The following DNAAF9 variants were observed in gnomAD, a reference collection of about 807,000 sequenced individuals.
DNAAF9 encodes the protein shulin.
DNAAF9 carries 90 observed loss-of-function variants against 167.0 expected under a neutral mutation model. The ratio of observed to expected loss-of-function variants is 0.54; its 90% CI spans 0.45 to 0.64. DNAAF9 has a LOEUF of 0.64. DNAAF9 is among the 30% of genes least tolerant of loss of function. DNAAF9 has a pLI of 0.00. For synonymous variants in DNAAF9, 491 were observed against 508.8 expected, an observed-to-expected ratio of 0.96 and a Z score of 0.47; for missense variants, 1,315 against 1,442.2, an observed-to-expected ratio of 0.91 and a Z score of 1.43.
chr20:3,378,833 C>T (rs1337487943), intron 3 of DNAAF9, among the ~76,000 whole-genome samples: 1 of 147,714 alleles, frequency 6.8e-6, no homozygotes, highest in Non-Finnish European at 1.5e-5. Flanking sequence ...TGAAATAAAA[C>T]TCCATGGGTC....
chr20:3,347,962 A>G (rs919364172), intron 8 of DNAAF9, among the ~76,000 whole-genome samples: 1 of 152,130 alleles, frequency 6.6e-6, no homozygotes, highest in Non-Finnish European at 1.5e-5. Context: ...TTCCAGCTCC[A>G]TACCATCAGC....
chr20:3,312,235 G>A (rs1243058632), intron 20 of DNAAF9, among the ~76,000 whole-genome samples: 4 of 152,066 alleles, frequency 2.6e-5, no homozygotes, highest in Non-Finnish European at 5.9e-5. Context: ...TGATTCGCCC[G>A]CCTTGGCCTC....
intron 7 of DNAAF9, among the ~76,000 whole-genome samples, chr20:3,353,287 T>C (rs2070362074): frequency 6.6e-6 from 1 of 151,984 alleles, no homozygotes; most frequent in African/African-American, 2.4e-5. Flanking sequence ...ATCTTTGCCT[T>C]GCTTACTTGG....
At chr20:3,299,007 CAA>C (rs1433455221) in intron 21 of DNAAF9, among the ~76,000 whole-genome samples, 2 of 147,424 alleles carry the variant, frequency 1.4e-5, no homozygotes, top group Non-Finnish European at 3.0e-5. Context: ...CTCCTGGGTT[CAA>C]GCGATTCTCC....
At chr20:3,327,274 C>T (rs13039089) in intron 12 of DNAAF9, among the ~76,000 whole-genome samples, 3,874 of 152,250 alleles carry the variant, frequency 0.025, 65 homozygotes, top group Non-Finnish European at 0.039. Flanking sequence ...GCACCCCTGG[C>T]TGCTAACCAG....
intron 23 of DNAAF9, among the ~76,000 whole-genome samples, chr20:3,295,046 T>G (rs2069042255): frequency 6.6e-6 from 1 of 152,108 alleles, no homozygotes; most frequent in African/African-American, 2.4e-5. Flanking sequence ...TGTGTTTGTA[T>G]TTTTAGTAGA....
rs1299275689 is a variant in DNAAF9, at chr20:3,259,829, A to G, written c.2980+93T>C. The G allele has an allele frequency of 2.6e-6, 2 of 778,092 alleles. 1 individual carries two copies. Among genetic ancestry groups the G allele is most frequent in the Admixed American group, 4.4e-5 (2 of 45,262 alleles). The allele number at this position is 778,092 out of a possible 1,614,324, so 48.2% of individuals were successfully genotyped here. On this transcript the variant is annotated intron_variant, in intron 32 of 36. Transcript: ENST00000252032. ...TTGGTTTCAAAAGGTAAGAAGACATACAGCACATAGAATACTGAAATGGTA... is the reference window on the plus strand; with the variant it reads ...TTGGTTTCAAAAGGTAAGAAGACATGCAGCACATAGAATACTGAAATGGTA...
At chr20:3,334,591 T>C (rs2069901729) in intron 10 of DNAAF9, among the ~76,000 whole-genome samples, 1 of 152,246 alleles carries the variant, frequency 6.6e-6, no homozygotes, top group Non-Finnish European at 1.5e-5. Flanking sequence ...CTGGATCTTA[T>C]GGTAAGGCTA....
intron 10 of DNAAF9, among the ~76,000 whole-genome samples, chr20:3,335,453 C>T (rs1472808359): frequency 6.6e-6 from 1 of 152,080 alleles, no homozygotes; most frequent in African/African-American, 2.4e-5. Flanking sequence ...GAAAGAAATA[C>T]AACTTTCACT....
chr20:3,277,300 T>A (rs573307675), intron 29 of DNAAF9, among the ~76,000 whole-genome samples: 3 of 152,132 alleles, frequency 2.0e-5, no homozygotes, highest in Admixed American at 1.3e-4. Context: ...ACATCGTGGA[T>A]CTCTTTTTCT....
intron 20 of DNAAF9, chr20:3,307,066 C>A (rs1421701713): frequency 1.0e-6 from 1 of 985,252 alleles, no homozygotes; most frequent in East Asian, 1.1e-4. Context: ...AGCTCAAAAT[C>A]CTGAAGCTTC....
At chr20:3,337,108 T>C (rs574944986) in intron 10 of DNAAF9, among the ~76,000 whole-genome samples, 62 of 152,026 alleles carry the variant, frequency 4.1e-4, no homozygotes, top group African/African-American at 1.5e-3. Flanking sequence ...CTCGATTTCC[T>C]GACCTCGTGA....
chr20:3,331,071 G>A (rs954405418), intron 11 of DNAAF9, among the ~76,000 whole-genome samples: 7 of 152,184 alleles, frequency 4.6e-5, no homozygotes, highest in Admixed American at 6.5e-5. Flanking sequence ...GATTACAGGC[G>A]TGAGCCACCA....
rs774884696 is a variant in DNAAF9 at position 3,252,566 on chromosome 20, C to T, written c.*6G>A. ...ATTCTGCAGGACGTACGGGCCCAGC[C>T]TTCCTCTAGGGCTTCAGCTCAAAGA... On this transcript the variant is annotated 3_prime_UTR_variant, in exon 37 of 37. Coordinates refer to ENST00000252032, the MANE Select transcript of DNAAF9 (RefSeq NM_001009984.3). The T allele has an allele frequency of 4.7e-6, 7 of 1,495,768 alleles. No homozygotes were observed. Among genetic ancestry groups the T allele is most frequent in the South Asian group, 4.5e-5 (4 of 88,774 alleles). 92.7% of individuals were successfully genotyped at this position (1,495,768 alleles called of 1,614,324 possible).
At chr20:3,391,254 AAGAT>A (rs1401175137) in intron 1 of DNAAF9, among the ~76,000 whole-genome samples, 1 of 152,098 alleles carries the variant, frequency 6.6e-6, no homozygotes, top group Middle Eastern at 3.2e-3. Flanking sequence ...TATTAACCAG[AAGAT>A]AGTTTTTTAT....
rs573207489 is a variant in DNAAF9 at position 3,406,671 on chromosome 20, C to T, written c.83+804G>A. On this transcript the variant is annotated intron_variant, in intron 1 of 36. Coordinates refer to ENST00000252032, the MANE Select transcript of DNAAF9 (RefSeq NM_001009984.3). Reference sequence around the variant, plus strand: ...GGAACGCTCCCCACGATCACCCCCTCCCCATACTGAGGTAGCTTGGGACTG... The same window carrying T: ...GGAACGCTCCCCACGATCACCCCCTTCCCATACTGAGGTAGCTTGGGACTG... Among the ~76,000 whole-genome samples, 11 of 152,266 alleles carry T rather than the reference C, an allele frequency of 7.2e-5. No homozygotes were observed. The East Asian group carries it at 2.1e-3, about 29-fold the overall frequency.
intron 1 of DNAAF9, among the ~76,000 whole-genome samples, chr20:3,407,265 G>A (rs2084074535): frequency 6.6e-6 from 1 of 152,150 alleles, no homozygotes; most frequent in East Asian, 1.9e-4. Context: ...CCATTGTGGG[G>A]AAACCGTTGC....
intron 17 of DNAAF9, among the ~76,000 whole-genome samples, chr20:3,317,155 A>C (rs2069517519): frequency 6.6e-6 from 1 of 151,760 alleles, no homozygotes; most frequent in Non-Finnish European, 1.5e-5. Flanking sequence ...CCAGCCTCCC[A>C]AAGTGTTGGG....
chr20:3,286,457 C>T (rs2068854480), intron 27 of DNAAF9, among the ~76,000 whole-genome samples: 1 of 152,232 alleles, frequency 6.6e-6, no homozygotes, highest in Non-Finnish European at 1.5e-5. Context: ...GGTCCACACC[C>T]TCGGTGACTC....
Sources: allele counts gnomAD v4.1 joint callset (sites outside exome capture counted in the v4.1 genomes callset), GRCh38; gene constraint gnomAD v4.1.1; transcripts MANE v1.5; gene names NCBI Gene and HGNC (gene_info 2026-07-23, HGNC 2026-07-21).